The following DTNA variants were observed in gnomAD, a reference collection of about 807,000 sequenced individuals.
DTNA encodes the protein dystrobrevin alpha.
In DTNA, 43 loss-of-function variants were observed where a neutral mutation model predicts 100.7. The observed-to-expected ratio is 0.43, with a 90% CI of 0.33 to 0.55. The LOEUF (loss-of-function observed/expected upper bound fraction) is 0.55. Ranked by LOEUF, DTNA falls within the 20% of genes least tolerant of loss-of-function variation. DTNA has a pLI of 0.04. For missense variants in DTNA, 798 were observed against 953.9 expected (o/e 0.84, Z 2.15); for synonymous variants, 349 against 347.9 (o/e 1.00, Z -0.04).
intron 17 of DTNA, among the ~76,000 whole-genome samples, chr18:34,874,540 A>G (rs2096796116): frequency 6.6e-6 from 1 of 152,182 alleles, no homozygotes. Context: ...TTTAAATCCT[A>G]CTATTCTTAT....
At chr18:34,683,989 A>G (rs1208382249) in intron 1 of DTNA, among the ~76,000 whole-genome samples, 1 of 152,190 alleles carries the variant, frequency 6.6e-6, no homozygotes, top group African/African-American at 2.4e-5. Flanking sequence ...TATGTGGGAA[A>G]TGATCTCACC....
chr18:34,884,207 T>C (rs1322861278), intron 21 of DTNA, among the ~76,000 whole-genome samples: 3 of 152,364 alleles, frequency 2.0e-5, no homozygotes, highest in South Asian at 2.1e-4. Context: ...CGTGTCACCT[T>C]CTGTATTTCA....
Position 34,634,419 on chromosome 18 carries a change from A to G in DTNA, c.-1-121557A>G, listed in dbSNP as rs144952969. Reference sequence around the variant, plus strand: ...TATTACCATACTTTATTAAAAATAAACTATAATTTATAAACAAAAATTTAG... The same window carrying G: ...TATTACCATACTTTATTAAAAATAAGCTATAATTTATAAACAAAAATTTAG... On this transcript the variant is annotated intron_variant, in intron 1 of 19. Coordinates refer to the DTNA transcript ENST00000283365. Among the ~76,000 whole-genome samples the G allele has an allele frequency of 4.9e-3, 740 of 152,332 alleles. 5 individuals carry two copies. The highest frequency in any genetic ancestry group is 0.016 in the African/African-American group (647 of 41,592).
At chr18:34,752,007 A>G (rs925231567) in intron 1 of DTNA, among the ~76,000 whole-genome samples, 1 of 152,240 alleles carries the variant, frequency 6.6e-6, no homozygotes, top group African/African-American at 2.4e-5. Context: ...GCTTTAGTAA[A>G]GGAAACATCT....
At position 34,581,234 on chromosome 18, in the gene DTNA, C is replaced by T. The variant is rs180925401; in HGVS notation, c.-2+87720C>T. Among the ~76,000 whole-genome samples the T allele has an allele frequency of 2.7e-3, 407 of 148,744 alleles. 5 individuals are homozygous for T. The highest frequency in any genetic ancestry group is 9.0e-3 in the African/African-American group (364 of 40,354). On this transcript the variant is annotated intron_variant, in intron 1 of 19. Coordinates refer to the DTNA transcript ENST00000283365. ...CTGCACTCCAGCCTGGGTGACAGAG[C>T]GAGATTGGGTCTCAAAACAAAACAA...
At chr18:34,708,743 T>G (rs1000600827), upstream of DTNA, among the ~76,000 whole-genome samples, 1 of 152,384 alleles carries the variant, frequency 6.6e-6, no homozygotes, top group African/African-American at 2.4e-5. Flanking sequence ...GCCAGTCAGC[T>G]TTCTCATGGT....
intron 1 of DTNA, among the ~76,000 whole-genome samples, chr18:34,628,438 A>C (rs923243235): frequency 2.0e-5 from 3 of 152,256 alleles, no homozygotes; most frequent in Non-Finnish European, 4.4e-5. Flanking sequence ...TTATAAAGAA[A>C]GCTAGCCATC....
At chr18:34,808,773 G>C (rs538358608) in intron 5 of DTNA, among the ~76,000 whole-genome samples, 1 of 152,160 alleles carries the variant, frequency 6.6e-6, no homozygotes, top group African/African-American at 2.4e-5. Flanking sequence ...AGTGGCCAAA[G>C]TCTATCCTCT....
intron 1 of DTNA, among the ~76,000 whole-genome samples, chr18:34,584,571 G>T: frequency 6.6e-6 from 1 of 152,138 alleles, no homozygotes; most frequent in Non-Finnish European, 1.5e-5. Flanking sequence ...AAATAGAAAA[G>T]ATAATAACGT....
chr18:34,636,831 G>T (rs565912249), intron 1 of DTNA, among the ~76,000 whole-genome samples: 6 of 152,234 alleles, frequency 3.9e-5, no homozygotes, highest in South Asian at 4.1e-4. Context: ...TGACTATGCC[G>T]TAAGAATATT....
At chr18:34,755,325 A>G (rs1601501554) in intron 1 of DTNA, 1 of 152,372 alleles carries the variant, frequency 6.6e-6, no homozygotes, top group East Asian at 1.9e-4. Flanking sequence ...TATATTTTAA[A>G]TAGTTCCACT....
chr18:34,879,795 A>G (rs2096854222), intron 20 of DTNA, 76 bp downstream of exon 20: 5 of 1,575,442 alleles, frequency 3.2e-6, no homozygotes, highest in Middle Eastern at 1.7e-4. Context: ...GTAAAAGCAT[A>G]ATTGTTTAGG....
At position 34,545,631 on chromosome 18, in the gene DTNA, A is replaced by G. The variant is rs1270594880; in HGVS notation, c.-2+52117A>G. ...TTATTTCAACCTCCTTGTTTAAGGA[A>G]TATGAGTAACAAAATGTCAGATATG... On this transcript the variant is annotated intron_variant, in intron 1 of 19. Coordinates refer to the DTNA transcript ENST00000283365. 2.0e-5 allele frequency among the ~76,000 whole-genome samples: 3 copies of G among 152,158 alleles called. No homozygotes were observed. The East Asian group carries it at 5.8e-4, about 29-fold the overall frequency.
intron 1 of DTNA, among the ~76,000 whole-genome samples, chr18:34,725,896 C>T (rs879489434): frequency 6.6e-6 from 1 of 152,168 alleles, no homozygotes; most frequent in Non-Finnish European, 1.5e-5. Context: ...GGCACATATA[C>T]ACCATGGAAT....
intron 1 of DTNA, among the ~76,000 whole-genome samples, chr18:34,672,819 A>G (rs1365127056): frequency 6.6e-6 from 1 of 152,130 alleles, no homozygotes; most frequent in Non-Finnish European, 1.5e-5. Flanking sequence ...TATATGCACA[A>G]ACATATGTCT....
chr18:34,828,911 G>A (rs2095928987), intron 10 of DTNA: 5 of 1,008,508 alleles, frequency 5.0e-6, no homozygotes, highest in Non-Finnish European at 6.2e-6. Flanking sequence ...ACACAGGTCT[G>A]TGCATCTATC....
At chr18:34,773,637 C>T (rs744846) in intron 3 of DTNA, among the ~76,000 whole-genome samples, 149,972 of 152,306 alleles carry the variant, frequency 0.98, 73,868 homozygotes, top group East Asian at 1. Flanking sequence ...TAGAATGCAA[C>T]GTTCCCAAAA....
At chr18:34,854,212 G>T (rs2096525759) in intron 15 of DTNA, among the ~76,000 whole-genome samples, 1 of 152,172 alleles carries the variant, frequency 6.6e-6, no homozygotes, top group South Asian at 2.1e-4. Context: ...GCACTGGAAA[G>T]ATCATGGCAA....
chr18:34,757,517 C>G (rs531155109), intron 2 of DTNA, among the ~76,000 whole-genome samples: 2 of 152,186 alleles, frequency 1.3e-5, no homozygotes, highest in African/African-American at 2.4e-5. Context: ...AGACAGCACA[C>G]TGTAAGAACT....
Sources: gnomAD v4.1 joint callset for allele counts (sites outside exome capture counted in the v4.1 genomes callset) on GRCh38, gnomAD v4.1.1 for gene constraint, MANE v1.5 for transcripts, NCBI Gene and HGNC (gene_info 2026-07-23, HGNC 2026-07-21) for gene names.